The following SHANK2 variants were observed in gnomAD, a reference collection of about 807,000 sequenced individuals.
SHANK2 encodes SH3 and multiple ankyrin repeat domains protein 2.
In SHANK2, 43 loss-of-function variants were observed where a neutral mutation model predicts 133.7. That is an observed-to-expected ratio of 0.32 (90% CI 0.25 to 0.41). The LOEUF (loss-of-function observed/expected upper bound fraction) is 0.41. Ranked by LOEUF, SHANK2 falls within the 10% of genes least tolerant of loss-of-function variation. The pLI, the probability that SHANK2 is intolerant of heterozygous loss-of-function variation, is 1.00. For missense variants in SHANK2, 1,994 were observed against 2,235.8 expected (o/e 0.89, Z 2.18); for synonymous variants, 1,017 against 952.8 (o/e 1.07, Z -1.24).
chr11:70,773,444 C>A (rs968538932), intron 14 of SHANK2, among the ~76,000 whole-genome samples: 2 of 152,208 alleles, frequency 1.3e-5, no homozygotes, highest in African/African-American at 4.8e-5. Flanking sequence ...CTTTTCAATT[C>A]ATGACATCTC....
intron 6 of SHANK2, among the ~76,000 whole-genome samples, chr11:71,106,380 C>T (rs1951801726): frequency 1.3e-5 from 2 of 152,232 alleles, no homozygotes; most frequent in Non-Finnish European, 2.9e-5. Context: ...GGTGAGAGGA[C>T]TGCTTGAGCC....
chr11:70,849,316 T>C (rs1278105052), intron 11 of SHANK2, among the ~76,000 whole-genome samples: 5 of 152,144 alleles, frequency 3.3e-5, no homozygotes, highest in Admixed American at 3.3e-4. Context: ...TGCATGCCAA[T>C]GGCTGGTCTA....
intron 14 of SHANK2, among the ~76,000 whole-genome samples, chr11:70,724,329 C>A (rs1313685668): frequency 2.0e-5 from 3 of 152,192 alleles, no homozygotes; most frequent in Non-Finnish European, 2.9e-5. Context: ...AGCCACCGTG[C>A]CTGGCTCAAA....
intron 11 of SHANK2, among the ~76,000 whole-genome samples, chr11:70,851,885 C>T (rs1348867169): frequency 2.6e-5 from 4 of 152,250 alleles, no homozygotes; most frequent in Non-Finnish European, 5.9e-5. Flanking sequence ...GCCTCCCGGC[C>T]CCCAGGCTGG....
chr11:70,596,085 C>T (rs1171082167), intron 17 of SHANK2, among the ~76,000 whole-genome samples: 2 of 152,206 alleles, frequency 1.3e-5, no homozygotes, highest in Admixed American at 6.5e-5. Flanking sequence ...AGAGGGAGTC[C>T]ACCCAGCTGA....
At chr11:70,938,576 T>C (rs1483249479) in intron 10 of SHANK2, among the ~76,000 whole-genome samples, 1 of 152,232 alleles carries the variant, frequency 6.6e-6, no homozygotes. Flanking sequence ...CACAGCCACC[T>C]GTACGGGTCA....
chr11:71,204,582 G>A (rs1954090486), intron 2 of SHANK2, among the ~76,000 whole-genome samples: 1 of 152,174 alleles, frequency 6.6e-6, no homozygotes, highest in East Asian at 1.9e-4. Context: ...CTGACACCTG[G>A]ACGCCTGTAC....
At position 70,658,045 on chromosome 11, in the gene SHANK2, C is replaced by T. The variant is rs185652369; in HGVS notation, c.2061+1783G>A. Reference sequence around the variant, plus strand: ...GGAAACAGTCCAATGAGCTGAACAACGGGGGTTGTTCTTGCATCTGCAGCC... The same window carrying T: ...GGAAACAGTCCAATGAGCTGAACAATGGGGGTTGTTCTTGCATCTGCAGCC... On this transcript the variant is annotated intron_variant, in intron 17 of 25. Coordinates refer to ENST00000601538, the MANE Select transcript of SHANK2 (RefSeq NM_012309.5). Among the ~76,000 whole-genome samples, 7 of 152,216 alleles carry T rather than the reference C, an allele frequency of 4.6e-5. No homozygotes were observed. In the East Asian group the frequency reaches 1.4e-3, roughly 29 times the overall value.
intron 2 of SHANK2, among the ~76,000 whole-genome samples, chr11:71,156,095 G>A (rs1262063526): frequency 1.3e-5 from 2 of 152,230 alleles, no homozygotes; most frequent in East Asian, 1.9e-4. Context: ...GCCAGGGAGC[G>A]AGACCTCAGG....
At chr11:70,530,460 C>T (rs755438488) in intron 17 of SHANK2, among the ~76,000 whole-genome samples, 7 of 152,052 alleles carry the variant, frequency 4.6e-5, no homozygotes, top group East Asian at 1.9e-4. Flanking sequence ...TGCTTGAGCC[C>T]GGGAATTTGA....
chr11:70,640,418 C>A (rs2061162416), intron 17 of SHANK2, among the ~76,000 whole-genome samples: 1 of 152,180 alleles, frequency 6.6e-6, no homozygotes, highest in African/African-American at 2.4e-5. Context: ...TGGGAAGGAT[C>A]CTCCCCTAGA....
chr11:71,206,391 G>C (rs983144222), intron 2 of SHANK2, among the ~76,000 whole-genome samples: 83 of 152,270 alleles, frequency 5.5e-4, no homozygotes, highest in African/African-American at 1.9e-3. Flanking sequence ...AAAACATCCA[G>C]GCAGAATTAA....
chr11:70,554,219 C>A (rs2059802540), intron 17 of SHANK2, among the ~76,000 whole-genome samples: 1 of 152,214 alleles, frequency 6.6e-6, no homozygotes, highest in Non-Finnish European at 1.5e-5. Flanking sequence ...GACCCTCCAA[C>A]CACTTCTAGA....
At chr11:70,641,372 C>T (rs2061179797) in intron 17 of SHANK2, among the ~76,000 whole-genome samples, 1 of 152,136 alleles carries the variant, frequency 6.6e-6, no homozygotes, top group African/African-American at 2.4e-5. Flanking sequence ...GGATTACAGG[C>T]ATAAGCCACT....
chr11:70,514,036 CAAA>C (rs1298986520), intron 17 of SHANK2, among the ~76,000 whole-genome samples: 1 of 151,924 alleles, frequency 6.6e-6, no homozygotes, highest in African/African-American at 2.4e-5. Flanking sequence ...TGTGAATCCC[CAAA>C]AAGATAAGTA....
At chr11:70,489,454 C>T in intron 23 of SHANK2, 106 bp from the exon 24 acceptor site, 1 of 1,032,160 alleles carries the variant, frequency 9.7e-7, no homozygotes. Context: ...GCAGACACCA[C>T]CTCCACGGCC....
chr11:70,619,993 TGAG>T (rs1554997173), intron 17 of SHANK2, among the ~76,000 whole-genome samples: 1 of 152,120 alleles, frequency 6.6e-6, no homozygotes, highest in African/African-American at 2.4e-5. Flanking sequence ...GAAGGACACT[TGAG>T]GACCTTGTTT....
At chr11:70,855,711 T>A (rs1442537369) in intron 11 of SHANK2, among the ~76,000 whole-genome samples, 1 of 151,536 alleles carries the variant, frequency 6.6e-6, no homozygotes, top group Non-Finnish European at 1.5e-5. Flanking sequence ...TCACAAAAAA[T>A]GTAAGATGAA....
At chr11:70,838,002 GAA>G (rs1186997999) in intron 11 of SHANK2, among the ~76,000 whole-genome samples, 3 of 95,384 alleles carry the variant, frequency 3.1e-5, no homozygotes, top group African/African-American at 1.2e-4. Flanking sequence ...AAAAAAAAAA[GAA>G]AAAAAAAAGA....
Sources: allele counts gnomAD v4.1 joint callset (sites outside exome capture counted in the v4.1 genomes callset), GRCh38; gene constraint gnomAD v4.1.1; transcripts MANE v1.5; gene names NCBI Gene and HGNC (gene_info 2026-07-23, HGNC 2026-07-21).